Variants in NPAS3 observed in about 807,000 individuals in gnomAD.
The protein encoded by NPAS3 is neuronal PAS domain-containing protein 3.
Under a neutral mutation model 73.1 loss-of-function variants are expected in NPAS3, and 14 were observed. The ratio of observed to expected loss-of-function variants is 0.19; its 90% CI spans 0.13 to 0.30. The LOEUF (loss-of-function observed/expected upper bound fraction) is 0.30. Among genes scored for constraint, NPAS3 ranks in the 10% least tolerant of loss-of-function variants. The pLI is 1.00. For synonymous variants in NPAS3, 620 were observed against 541.5 expected (o/e 1.14, Z -2.01); for missense variants, 1,096 against 1,250.0 (o/e 0.88, Z 1.86).
At chr14:33,544,771 G>GTGTTTATGGCATGTATT (rs2054703741) in intron 4 of NPAS3, among the ~76,000 whole-genome samples, 1 of 104,114 alleles carries the variant, frequency 9.6e-6, no homozygotes, top group African/African-American at 5.5e-5. Context: ...ATGCATGTAT[G>GTGTTTATGGCATGTATT]TGTTTATGTG....
At chr14:33,632,715 CT>C (rs1195271851) in intron 5 of NPAS3, among the ~76,000 whole-genome samples, 1 of 152,228 alleles carries the variant, frequency 6.6e-6, no homozygotes, top group Non-Finnish European at 1.5e-5. Flanking sequence ...CTCTTAACTA[CT>C]CATGCATTCA....
intron 2 of NPAS3, among the ~76,000 whole-genome samples, chr14:33,185,616 A>G (rs375186628): frequency 6.6e-6 from 1 of 152,292 alleles, no homozygotes; most frequent in African/African-American, 2.4e-5. Context: ...AATTTAGCTA[A>G]TGTGTTCTTG....
chr14:33,697,074 C>A (rs1348906932), intron 6 of NPAS3, among the ~76,000 whole-genome samples: 1 of 152,164 alleles, frequency 6.6e-6, no homozygotes, highest in Non-Finnish European at 1.5e-5. Flanking sequence ...TTTATAAAGC[C>A]AGCTACTGCT....
intron 3 of NPAS3, among the ~76,000 whole-genome samples, chr14:33,353,704 A>T (rs566031405): frequency 6.6e-6 from 1 of 152,176 alleles, no homozygotes; most frequent in African/African-American, 2.4e-5. Context: ...AGTAGTGGAG[A>T]CTGGAGTCCT....
intron 3 of NPAS3, among the ~76,000 whole-genome samples, chr14:33,355,109 A>C (rs1723743293): frequency 6.6e-6 from 1 of 152,062 alleles, no homozygotes; most frequent in African/African-American, 2.4e-5. Context: ...TGAAACTCCC[A>C]TGCCTTGCTC....
intron 3 of NPAS3, among the ~76,000 whole-genome samples, chr14:33,361,735 T>C (rs2045612244): frequency 6.6e-6 from 1 of 152,210 alleles, no homozygotes; most frequent in Non-Finnish European, 1.5e-5. Context: ...TGTTAGTAGG[T>C]CTGAGATATG....
chr14:33,069,626 G>A (rs1319044769), intron 2 of NPAS3, among the ~76,000 whole-genome samples: 1 of 152,130 alleles, frequency 6.6e-6, no homozygotes, highest in Admixed American at 6.5e-5. Context: ...GCTGATGATA[G>A]TATCTCATAG....
intron 1 of NPAS3, among the ~76,000 whole-genome samples, chr14:33,012,589 C>T (rs1009731483): frequency 2.0e-5 from 3 of 151,724 alleles, no homozygotes; most frequent in African/African-American, 7.3e-5. Flanking sequence ...CGCTCTCTCG[C>T]CTGGGCTGGA....
intron 4 of NPAS3, among the ~76,000 whole-genome samples, chr14:33,428,507 G>A (rs954556712): frequency 2.0e-5 from 3 of 151,936 alleles, no homozygotes; most frequent in Non-Finnish European, 4.4e-5. Context: ...AAATTACAAG[G>A]TTGCTAATGT....
At chr14:33,682,830 A>G (rs1375961253) in intron 6 of NPAS3, among the ~76,000 whole-genome samples, 1 of 152,170 alleles carries the variant, frequency 6.6e-6, no homozygotes, top group Admixed American at 6.5e-5. Flanking sequence ...GAGGGAGCTA[A>G]AGTAAAATCT....
intron 4 of NPAS3, among the ~76,000 whole-genome samples, chr14:33,377,756 T>G (rs2046370903): frequency 6.6e-6 from 1 of 152,192 alleles, no homozygotes. Context: ...GCCACTTGAC[T>G]GAAACTAGTG....
At chr14:33,543,952 T>C (rs1297215401) in intron 4 of NPAS3, among the ~76,000 whole-genome samples, 3 of 3,506 alleles carry the variant, frequency 8.6e-4, no homozygotes, top group Non-Finnish European at 1.0e-3. Flanking sequence ...AGTGCATATA[T>C]ATATATATAT....
chr14:33,372,244 C>T (rs1021555087), intron 4 of NPAS3, among the ~76,000 whole-genome samples: 10 of 152,110 alleles, frequency 6.6e-5, no homozygotes, highest in African/African-American at 1.2e-4. Context: ...GTGCATACTA[C>T]GTGTCCCTTT....
chr14:33,149,092 T>C (rs1257331737), intron 2 of NPAS3, among the ~76,000 whole-genome samples: 1 of 152,200 alleles, frequency 6.6e-6, no homozygotes, highest in Non-Finnish European at 1.5e-5. Context: ...ACACAGTATA[T>C]AAATATACCA....
At chr14:33,790,806 T>A (rs2063336219) in intron 9 of NPAS3, among the ~76,000 whole-genome samples, 1 of 152,132 alleles carries the variant, frequency 6.6e-6, no homozygotes, top group South Asian at 2.1e-4. Context: ...ACAGCTGGGA[T>A]TACAAGTGCA....
chr14:33,602,524 C>T (rs1224693791), intron 5 of NPAS3, among the ~76,000 whole-genome samples: 7 of 152,208 alleles, frequency 4.6e-5, no homozygotes, highest in Non-Finnish European at 7.3e-5. Flanking sequence ...GTGGGTCTCT[C>T]CCAGCAGGCA....
At chr14:33,549,345 C>G (rs2054999547) in intron 4 of NPAS3, among the ~76,000 whole-genome samples, 1 of 152,186 alleles carries the variant, frequency 6.6e-6, no homozygotes, top group Non-Finnish European at 1.5e-5. Context: ...GTTCCTCCCA[C>G]CCGAGTCTCC....
At chr14:33,437,349 G>A (rs1159106720) in intron 4 of NPAS3, among the ~76,000 whole-genome samples, 1 of 152,128 alleles carries the variant, frequency 6.6e-6, no homozygotes, top group Non-Finnish European at 1.5e-5. Flanking sequence ...TGCCTGCTTG[G>A]GGAAGAGGAA....
chr14:33,073,225 T>A (rs2041545849), intron 2 of NPAS3, among the ~76,000 whole-genome samples: 1 of 152,208 alleles, frequency 6.6e-6, no homozygotes, highest in Admixed American at 6.5e-5. Flanking sequence ...TTTGGGAAAG[T>A]GTAGGCATCC....
Sources: allele counts gnomAD v4.1 joint callset (sites outside exome capture counted in the v4.1 genomes callset), GRCh38; gene constraint gnomAD v4.1.1; transcripts MANE v1.5; gene names NCBI Gene and HGNC (gene_info 2026-07-23, HGNC 2026-07-21).